TAS2R1: variants seen among roughly 807,000 people sequenced by gnomAD.
The protein encoded by TAS2R1 is taste receptor type 2 member 1.
For synonymous variants in TAS2R1, 141 were observed against 134.2 expected (o/e 1.05, Z -0.35); for missense variants, 370 against 353.4 (o/e 1.05, Z -0.38).
chr5:9,787,735 G>T, the TAS2R1 span, among the ~76,000 whole-genome samples: 13 of 152,170 alleles, frequency 8.5e-5, no homozygotes, highest in Admixed American at 2.0e-4. Flanking sequence ...AACACTGTCA[G>T]AACTCCTTAA....
chr5:9,782,075 T>A, the TAS2R1 span, among the ~76,000 whole-genome samples: 1 of 152,236 alleles, frequency 6.6e-6, no homozygotes, highest in Non-Finnish European at 1.5e-5. Context: ...CATTTGTGAA[T>A]ATATCTTGAT....
upstream of TAS2R1, among the ~76,000 whole-genome samples, chr5:9,714,585 G>A (rs1003393077): frequency 9.9e-5 from 15 of 152,182 alleles, no homozygotes; most frequent in African/African-American, 3.6e-4. Flanking sequence ...GGATCAATAT[G>A]AAAATCAGAA....
chr5:9,862,116 C>T, the TAS2R1 span, among the ~76,000 whole-genome samples: 13 of 152,102 alleles, frequency 8.5e-5, no homozygotes, highest in South Asian at 2.1e-3. Context: ...AATCTGATTA[C>T]GAGGAGGGAC....
At chr5:9,794,840 G>C in the TAS2R1 span, among the ~76,000 whole-genome samples, 1 of 152,174 alleles carries the variant, frequency 6.6e-6, no homozygotes, top group East Asian at 1.9e-4. Context: ...CTGCTGTGGA[G>C]ATACAGCCTT....
At chr5:9,866,272 T>G in the TAS2R1 span, among the ~76,000 whole-genome samples, 1 of 152,232 alleles carries the variant, frequency 6.6e-6, no homozygotes, top group Non-Finnish European at 1.5e-5. Flanking sequence ...CTGAAATCCT[T>G]CATCTTGTAA....
the TAS2R1 span, among the ~76,000 whole-genome samples, chr5:9,859,943 A>T: frequency 6.6e-6 from 1 of 152,244 alleles, no homozygotes. Context: ...TACTGTGTGC[A>T]TTGTTGTAAA....
chr5:9,883,161 T>C, the TAS2R1 span, among the ~76,000 whole-genome samples: 1 of 151,864 alleles, frequency 6.6e-6, no homozygotes, highest in African/African-American at 2.4e-5. Context: ...CACTTATAAG[T>C]GGGAGCTGAA....
intron 1 of TAS2R1, among the ~76,000 whole-genome samples, chr5:9,711,558 G>A (rs895752593): frequency 6.6e-6 from 1 of 152,166 alleles, no homozygotes; most frequent in Non-Finnish European, 1.5e-5. Context: ...TTTCAGTCAC[G>A]CAAGAGAAAA....
chr5:9,827,598 G>GCACAGGTGTGGTGGCATGCACACACACA, the TAS2R1 span, among the ~76,000 whole-genome samples: 1 of 147,324 alleles, frequency 6.8e-6, no homozygotes, highest in African/African-American at 2.5e-5. Flanking sequence ...GTGGTGGCAT[G>GCACAGGTGTGGTGGCATGCACACACACA]CACACACACA....
At chr5:9,743,923 T>C in the TAS2R1 span, among the ~76,000 whole-genome samples, 1 of 152,276 alleles carries the variant, frequency 6.6e-6, no homozygotes, top group East Asian at 1.9e-4. Flanking sequence ...TCCATTTTTA[T>C]ATTTTCCTAC....
At chr5:9,878,507 T>C in the TAS2R1 span, among the ~76,000 whole-genome samples, 1 of 152,346 alleles carries the variant, frequency 6.6e-6, no homozygotes, top group South Asian at 2.1e-4. Flanking sequence ...CACGAACGCT[T>C]GTATCTAAGC....
At chr5:9,897,559 C>T in the TAS2R1 span, among the ~76,000 whole-genome samples, 2 of 152,212 alleles carry the variant, frequency 1.3e-5, no homozygotes, top group Non-Finnish European at 2.9e-5. Flanking sequence ...CACGTCTATA[C>T]CCAGAACTTA....
At chr5:9,653,726 AC>A (rs1740354911) in intron 2 of TAS2R1, among the ~76,000 whole-genome samples, 1 of 152,184 alleles carries the variant, frequency 6.6e-6, no homozygotes, top group Non-Finnish European at 1.5e-5. Flanking sequence ...GAAAACATAA[AC>A]AAAAGAAGTG....
the TAS2R1 span, among the ~76,000 whole-genome samples, chr5:9,723,872 C>T: frequency 8.5e-3 from 1,299 of 152,304 alleles, 13 homozygotes; most frequent in African/African-American, 0.025. Flanking sequence ...AAAGGAGTAG[C>T]GCTTGGACAT....
At chr5:9,642,004 C>T (rs1740094550) in intron 2 of TAS2R1, 1 of 152,208 alleles carries the variant, frequency 6.6e-6, no homozygotes. Flanking sequence ...CATTCACTTG[C>T]ACTCATCTTA....
At chr5:9,710,986 TTA>T (rs963861634) in intron 1 of TAS2R1, among the ~76,000 whole-genome samples, 7 of 141,950 alleles carry the variant, frequency 4.9e-5, no homozygotes, top group Admixed American at 1.5e-4. Context: ...TGATATATAT[TTA>T]TATATATTTA....
At chr5:9,824,918 C>T in the TAS2R1 span, among the ~76,000 whole-genome samples, 1 of 151,574 alleles carries the variant, frequency 6.6e-6, no homozygotes, top group African/African-American at 2.4e-5. Context: ...TCTATCCCAC[C>T]TGGAGTTATG....
chr5:9,661,762 T>C (rs990281138), intron 1 of TAS2R1, among the ~76,000 whole-genome samples: 6 of 152,336 alleles, frequency 3.9e-5, no homozygotes, highest in African/African-American at 1.4e-4. Context: ...GATGTATACA[T>C]ATATCAGTGT....
chr5:9,859,951 A>C, the TAS2R1 span, among the ~76,000 whole-genome samples: 1 of 152,236 alleles, frequency 6.6e-6, no homozygotes, highest in Non-Finnish European at 1.5e-5. Context: ...GCATTGTTGT[A>C]AAATATTAAG....
Sources: allele counts gnomAD v4.1 joint callset (sites outside exome capture counted in the v4.1 genomes callset), GRCh38; gene constraint gnomAD v4.1.1; transcripts MANE v1.5; gene names NCBI Gene and HGNC (gene_info 2026-07-23, HGNC 2026-07-21).